The following MED26 variants were observed in gnomAD, a reference collection of about 807,000 sequenced individuals.
MED26 encodes mediator complex subunit 26.
MED26 carries 7 observed loss-of-function variants against 43.7 expected under a neutral mutation model. That is an observed-to-expected ratio of 0.16 (90% CI 0.09 to 0.30). The LOEUF is 0.30. Ranked by LOEUF, MED26 falls within the 10% of genes least tolerant of loss-of-function variation. The pLI, the probability that MED26 is intolerant of heterozygous loss-of-function variation, is 1.00. For synonymous variants in MED26, 375 were observed against 371.1 expected (o/e 1.01, Z -0.12); for missense variants, 784 against 840.6 (o/e 0.93, Z 0.83).
chr19:16,599,525 T>C (rs1957516815), intron 1 of MED26, among the ~76,000 whole-genome samples: 1 of 152,116 alleles, frequency 6.6e-6, no homozygotes, highest in African/African-American at 2.4e-5. Flanking sequence ...CTCCCTTAAA[T>C]ACTAGCTTTT....
chr19:16,617,531 A>G (rs55899869), intron 1 of MED26, among the ~76,000 whole-genome samples: 2,016 of 152,338 alleles, frequency 0.013, 45 homozygotes, highest in African/African-American at 0.046. Flanking sequence ...CACATGAAGC[A>G]GCCCATCCAC....
chr19:16,577,119 C>T lies in MED26; in HGVS notation c.711G>A (p.Lys237=), dbSNP rs376930343. 6.8e-6 allele frequency: 11 copies of T among 1,613,150 alleles called. No individual in the cohort carries two copies. The highest frequency in any genetic ancestry group is 1.7e-4 in the Middle Eastern group (1 of 6,060). Residue 237 remains lysine, a synonymous_variant, in exon 3 of 3, where the codon AAG becomes AAA. Transcript: ENST00000263390. The surrounding 1 kb of genome is among the most constrained non-coding windows in gnomAD (Gnocchi z 8.1). ...TTGGCTGCAAGCAGGGTCCAGGGGGCTTGCCCAGGCCCGGGGAGCTGGTGT... is the reference window on the plus strand; with the variant it reads ...TTGGCTGCAAGCAGGGTCCAGGGGGTTTGCCCAGGCCCGGGGAGCTGGTGT... The part of the protein sequence containing the change: ...RPHTSSPGLG[K]PPGPCLQPKA...
At chr19:16,605,910 T>C (rs2122429943) in intron 1 of MED26, among the ~76,000 whole-genome samples, 1 of 152,346 alleles carries the variant, frequency 6.6e-6, no homozygotes, top group South Asian at 2.1e-4. Context: ...ATCGAACTCC[T>C]GGTTACAAAG....
intron 1 of MED26, among the ~76,000 whole-genome samples, chr19:16,604,819 G>A (rs529430437): frequency 6.6e-6 from 1 of 152,336 alleles, no homozygotes; most frequent in East Asian, 1.9e-4. Context: ...CTACCCCTGG[G>A]AGCCGGCTCA....
intron 1 of MED26, among the ~76,000 whole-genome samples, chr19:16,578,937 T>G (rs1006277721): frequency 1.2e-4 from 18 of 151,904 alleles, no homozygotes; most frequent in African/African-American, 4.4e-4. Flanking sequence ...CCCATCTCTA[T>G]TAAAAATACA....
chr19:16,600,288 G>A (rs181423676), intron 1 of MED26, among the ~76,000 whole-genome samples: 42 of 152,272 alleles, frequency 2.8e-4, no homozygotes, highest in Non-Finnish European at 4.6e-4. Context: ...GAGGAAAGGA[G>A]AGCAGATACC....
At chr19:16,626,866 C>T (rs916583273) in intron 1 of MED26, among the ~76,000 whole-genome samples, 3 of 152,240 alleles carry the variant, frequency 2.0e-5, no homozygotes, top group African/African-American at 7.2e-5. Flanking sequence ...AAGAATGACC[C>T]CTACTGCCAA....
chr19:16,583,811 C>G (rs1204427638), intron 1 of MED26, among the ~76,000 whole-genome samples: 1 of 152,160 alleles, frequency 6.6e-6, no homozygotes, highest in Non-Finnish European at 1.5e-5. Context: ...GGAATGTGAA[C>G]ATTAATCTCG....
At chr19:16,620,791 C>T (rs1442082239) in intron 1 of MED26, among the ~76,000 whole-genome samples, 2 of 152,220 alleles carry the variant, frequency 1.3e-5, no homozygotes, top group Non-Finnish European at 2.9e-5. Context: ...GTAAGGCCTG[C>T]TCTCAGAGTT....
chr19:16,581,855 G>A (rs2086047406), intron 1 of MED26, among the ~76,000 whole-genome samples: 1 of 152,262 alleles, frequency 6.6e-6, no homozygotes, highest in South Asian at 2.1e-4. Context: ...GAGCCCCAAG[G>A]GAAATGCTAC....
In MED26 at chr19:16,574,920, G is replaced by A. The variant is rs78091837; in HGVS notation, c.*1107C>T. The A allele has an allele frequency of 6.6e-6, 1 of 151,182 alleles. No homozygotes were observed. Among genetic ancestry groups the A allele is most frequent in the Admixed American group, 6.6e-5 (1 of 15,164 alleles). The allele number at this position is 151,182 out of a possible 1,614,324, so 9.4% of individuals were successfully genotyped here. A position where few individuals can be genotyped will look rare whatever the true frequency, so the allele number is the denominator to read the frequency against. ...GATTCTCAGACTGGTTTGTGCAAATGGTTTTTTTTTTTTTTTTATTTCCAC... is the reference window on the plus strand; with the variant it reads ...GATTCTCAGACTGGTTTGTGCAAATAGTTTTTTTTTTTTTTTTATTTCCAC... On this transcript the variant is annotated 3_prime_UTR_variant, in exon 3 of 3. Transcript: ENST00000263390.
chr19:16,627,831 C>A, intron 1 of MED26, 41 bp downstream of exon 1: 2 of 1,429,946 alleles, frequency 1.4e-6, no homozygotes, highest in Non-Finnish European at 9.3e-7. Flanking sequence ...GGGTCCCGGG[C>A]CCATGCGGCC....
intron 1 of MED26, among the ~76,000 whole-genome samples, chr19:16,584,301 C>G (rs73928620): frequency 3.0e-4 from 42 of 141,280 alleles, no homozygotes; most frequent in African/African-American, 2.6e-4. Context: ...ACTGCCCCCC[C>G]CCGCCCCGCC....
chr19:16,599,889 A>G (rs1332785626), intron 1 of MED26, among the ~76,000 whole-genome samples: 1 of 152,188 alleles, frequency 6.6e-6, no homozygotes, highest in Non-Finnish European at 1.5e-5. Flanking sequence ...CTATGTGCAA[A>G]GCATCTGCCC....
At chr19:16,599,657 T>A (rs953591703) in intron 1 of MED26, among the ~76,000 whole-genome samples, 2 of 152,028 alleles carry the variant, frequency 1.3e-5, no homozygotes, top group African/African-American at 4.8e-5. Context: ...TTGCGCCCCC[T>A]CCCTCCAGGA....
chr19:16,626,312 C>G (rs925056324), intron 1 of MED26, among the ~76,000 whole-genome samples: 5 of 152,154 alleles, frequency 3.3e-5, no homozygotes, highest in Admixed American at 3.3e-4. Flanking sequence ...GTCACCAAGG[C>G]TATTTTTTTC....
intron 1 of MED26, among the ~76,000 whole-genome samples, chr19:16,613,317 A>T (rs2086208317): frequency 6.6e-6 from 1 of 152,184 alleles, no homozygotes; most frequent in South Asian, 2.1e-4. Context: ...CAACCTACTC[A>T]TAAGAAATGA....
Position 16,585,002 on chromosome 19 carries a change from G to A in MED26, c.73-6593C>T, listed in dbSNP as rs529851786. Among the ~76,000 whole-genome samples, 7 of 152,284 alleles carry A rather than the reference G, an allele frequency of 4.6e-5. No individual in the cohort carries two copies. In the South Asian group the frequency reaches 1.0e-3, roughly 23 times the overall value. ...GCCCCTGAGTGGGGCAGCAAGGGCCGAGGGCTGGGTAGGATGCCACCTCCC... is the reference window on the plus strand; with the variant it reads ...GCCCCTGAGTGGGGCAGCAAGGGCCAAGGGCTGGGTAGGATGCCACCTCCC... On this transcript the variant is annotated intron_variant, in intron 1 of 2. Coordinates refer to ENST00000263390, the MANE Select transcript of MED26 (RefSeq NM_004831.5).
chr19:16,592,600 G>C (rs910058764), intron 1 of MED26, among the ~76,000 whole-genome samples: 2 of 152,208 alleles, frequency 1.3e-5, no homozygotes, highest in African/African-American at 4.8e-5. Flanking sequence ...CGCTCGCCTA[G>C]GCATGACATG....
Sources: allele counts gnomAD v4.1 joint callset (sites outside exome capture counted in the v4.1 genomes callset), GRCh38; gene constraint gnomAD v4.1.1; non-coding constraint Gnocchi (gnomAD v3.1); transcripts MANE v1.5; gene names NCBI Gene and HGNC (gene_info 2026-07-23, HGNC 2026-07-21).